The following SLC38A1 variants were observed in gnomAD, a reference collection of about 807,000 sequenced individuals.
SLC38A1 encodes the protein solute carrier family 38 member 1, also known as sodium-coupled neutral amino acid symporter 1.
Under a neutral mutation model 60.3 loss-of-function variants are expected in SLC38A1, and 18 were observed. The observed-to-expected ratio is 0.30, with a 90% CI of 0.21 to 0.44. SLC38A1 has a LOEUF of 0.44. SLC38A1 is among the 20% of genes least tolerant of loss of function. The pLI is 1.00. For synonymous variants in SLC38A1, 196 were observed against 212.1 expected, an observed-to-expected ratio of 0.92 and a Z score of 0.66; for missense variants, 448 against 587.2, an observed-to-expected ratio of 0.76 and a Z score of 2.45.
intron 16 of SLC38A1, among the ~76,000 whole-genome samples, chr12:46,190,399 T>A (rs1004443397): frequency 7.2e-5 from 11 of 152,228 alleles, no homozygotes; most frequent in African/African-American, 2.2e-4. Context: ...TAAACATACA[T>A]GTGCATGTGT....
At chr12:46,241,392 A>G (rs1411821960) in intron 2 of SLC38A1, among the ~76,000 whole-genome samples, 1 of 152,186 alleles carries the variant, frequency 6.6e-6, no homozygotes, top group Non-Finnish European at 1.5e-5. Flanking sequence ...GCCAGGCCAC[A>G]CATTATTCTT....
At chr12:46,205,150 C>T (rs1043500103) in intron 9 of SLC38A1, among the ~76,000 whole-genome samples, 2 of 152,140 alleles carry the variant, frequency 1.3e-5, no homozygotes, top group Admixed American at 1.3e-4. Context: ...CAATTGCTAC[C>T]ATGACCTCCA....
rs1198570516 is a variant in SLC38A1, at chr12:46,183,447, G to T, written c.*5523C>A. 1 of 152,182 alleles carries T rather than the reference G, an allele frequency of 6.6e-6. No individual in the cohort carries two copies. Among genetic ancestry groups the T allele is most frequent in the African/African-American group, 2.4e-5 (1 of 41,448 alleles). The allele number at this position is 152,182 out of a possible 1,614,324, so 9.4% of individuals were successfully genotyped here. On this transcript the variant is annotated 3_prime_UTR_variant, in exon 17 of 17. Coordinates refer to ENST00000398637, the MANE Select transcript of SLC38A1 (RefSeq NM_030674.4). ...CAAACATGCAGGACTTTCAAAGCTT[G>T]ATTAGATAATGGTTCTTTGTTTTCT...
At position 46,239,862 on chromosome 12, in the gene SLC38A1, G is replaced by A; in HGVS notation, c.-62C>T. 2 of 1,567,388 alleles carry A rather than the reference G, an allele frequency of 1.3e-6. No homozygotes were observed. Among genetic ancestry groups the A allele is most frequent in the Admixed American group, 1.7e-5 (1 of 58,482 alleles). On this transcript the variant is annotated 5_prime_UTR_variant, in exon 3 of 17. Coordinates refer to ENST00000398637, the MANE Select transcript of SLC38A1 (RefSeq NM_030674.4). ...ATTTCTCCTGTTCTGAGTGTATTTA[G>A]AAGTAGATACCAAAATGGAAGCTTG...
chr12:46,216,604 A>G (rs1312767694), intron 5 of SLC38A1, among the ~76,000 whole-genome samples: 1 of 152,154 alleles, frequency 6.6e-6, no homozygotes, highest in African/African-American at 2.4e-5. Flanking sequence ...TAATCCCAGC[A>G]CTTTGGGAGG....
Position 46,207,251 on chromosome 12 carries a change from G to A in SLC38A1, c.482-15C>T, listed in dbSNP as rs1282380846. The A allele has an allele frequency of 6.3e-7, 1 of 1,598,660 alleles. No homozygotes were observed. Among genetic ancestry groups the A allele is most frequent in the Admixed American group, 1.7e-5 (1 of 58,914 alleles). On this transcript the variant is annotated splice_polypyrimidine_tract_variant and intron_variant, in intron 7 of 16. Transcript: ENST00000398637. ...GCTCAGCATTGCTGAAGGAAAATGAGAACATTTTTAGAAAGAAGATACGAA... is the reference window on the plus strand; with the variant it reads ...GCTCAGCATTGCTGAAGGAAAATGAAAACATTTTTAGAAAGAAGATACGAA...
intron 2 of SLC38A1, among the ~76,000 whole-genome samples, chr12:46,241,264 G>A (rs981188258): frequency 2.6e-5 from 4 of 152,038 alleles, no homozygotes; most frequent in Admixed American, 1.3e-4. Flanking sequence ...ACCTCAATGC[G>A]CCCAACTAAG....
chr12:46,265,635 G>A (rs1942328334), intron 1 of SLC38A1, among the ~76,000 whole-genome samples: 1 of 152,206 alleles, frequency 6.6e-6, no homozygotes. Flanking sequence ...CTGTATTTGT[G>A]TGCAATGGAA....
At chr12:46,224,966 C>T (rs1414805327) in intron 5 of SLC38A1, among the ~76,000 whole-genome samples, 1 of 152,196 alleles carries the variant, frequency 6.6e-6, no homozygotes, top group Non-Finnish European at 1.5e-5. Context: ...AATTATCCCT[C>T]AGCCAGTATA....
chr12:46,240,157 G>A (rs1034409347), intron 2 of SLC38A1, among the ~76,000 whole-genome samples: 1 of 152,096 alleles, frequency 6.6e-6, no homozygotes, highest in Non-Finnish European at 1.5e-5. Context: ...TATCATGTTA[G>A]CTGTAGGTAA....
intron 1 of SLC38A1, among the ~76,000 whole-genome samples, chr12:46,247,333 A>C (rs1466334407): frequency 6.6e-6 from 1 of 152,194 alleles, no homozygotes; most frequent in Admixed American, 6.5e-5. Context: ...TGTAGAGAAG[A>C]CCACAAATGA....
chr12:46,251,158 T>C (rs141793187), intron 1 of SLC38A1, among the ~76,000 whole-genome samples: 23 of 152,236 alleles, frequency 1.5e-4, no homozygotes, highest in African/African-American at 5.5e-4. Flanking sequence ...TATGGACCAA[T>C]GGAACAGAAC....
chr12:46,218,642 T>G (rs1180968735), intron 5 of SLC38A1, among the ~76,000 whole-genome samples: 1 of 152,116 alleles, frequency 6.6e-6, no homozygotes, highest in Admixed American at 6.5e-5. Context: ...CAGAACCACT[T>G]TATTGAGACA....
At chr12:46,250,222 A>T (rs1244722980) in intron 1 of SLC38A1, among the ~76,000 whole-genome samples, 2 of 152,318 alleles carry the variant, frequency 1.3e-5, no homozygotes, top group Non-Finnish European at 2.9e-5. Context: ...CATAAACAGA[A>T]CCAACCACAA....
chr12:46,195,940 C>T, intron 16 of SLC38A1: 1 of 453,672 alleles, frequency 2.2e-6, no homozygotes, highest in South Asian at 2.2e-5. Context: ...TGCTTCAGCT[C>T]ACCTTCCATG....
chr12:46,189,675 G>A (rs1256442358), intron 16 of SLC38A1, among the ~76,000 whole-genome samples: 1 of 152,108 alleles, frequency 6.6e-6, no homozygotes, highest in Non-Finnish European at 1.5e-5. Context: ...TAATTCCCAC[G>A]TGTCATGGGA....
At chr12:46,202,058 G>A (rs1385297405) in intron 12 of SLC38A1, among the ~76,000 whole-genome samples, 1 of 151,532 alleles carries the variant, frequency 6.6e-6, no homozygotes, top group Non-Finnish European at 1.5e-5. Flanking sequence ...CTGGGCATGG[G>A]GCATGTGCCT....
At chr12:46,229,507 T>G in intron 4 of SLC38A1, 57 bp downstream of exon 4, 1 of 1,337,238 alleles carries the variant, frequency 7.5e-7, no homozygotes. Flanking sequence ...ATTAAAAAGA[T>G]TTGTCCCAAT....
chr12:46,266,636 T>C (rs1176116162), intron 1 of SLC38A1, among the ~76,000 whole-genome samples: 1 of 152,002 alleles, frequency 6.6e-6, no homozygotes, highest in Non-Finnish European at 1.5e-5. Context: ...GCACTAAGAA[T>C]ACCTGAAATG....
Sources: allele counts gnomAD v4.1 joint callset (sites outside exome capture counted in the v4.1 genomes callset), GRCh38; gene constraint gnomAD v4.1.1; transcripts MANE v1.5; gene names NCBI Gene and HGNC (gene_info 2026-07-23, HGNC 2026-07-21).